Variants in PITPNM3 observed in about 807,000 individuals in gnomAD.
The protein encoded by PITPNM3 is PITPNM family member 3.
PITPNM3 carries 26 observed loss-of-function variants against 102.0 expected under a neutral mutation model. That is an observed-to-expected ratio of 0.25 (90% CI 0.19 to 0.35). The LOEUF is 0.35. Among genes scored for constraint, PITPNM3 ranks in the 10% least tolerant of loss-of-function variants. The pLI is 1.00. For missense variants in PITPNM3, 1,083 were observed against 1,346.1 expected (o/e 0.80, Z 3.06); for synonymous variants, 578 against 558.6 (o/e 1.03, Z -0.49).
chr17:6,541,315 G>GTGTGTA (rs1412112424), intron 1 of PITPNM3, among the ~76,000 whole-genome samples: 1 of 151,574 alleles, frequency 6.6e-6, no homozygotes, highest in Non-Finnish European at 1.5e-5. Context: ...GTGTGTGTGT[G>GTGTGTA]TATGCACATC....
At chr17:6,521,959 C>T (rs531216256) in intron 3 of PITPNM3, among the ~76,000 whole-genome samples, 2 of 152,250 alleles carry the variant, frequency 1.3e-5, no homozygotes, top group African/African-American at 4.8e-5. Flanking sequence ...TTTGCGGAAG[C>T]GGCAAAGAAA....
chr17:6,507,575 C>G (rs71370449), intron 3 of PITPNM3, among the ~76,000 whole-genome samples: 32,604 of 151,350 alleles, frequency 0.22, 3,918 homozygotes, highest in Non-Finnish European at 0.27. Flanking sequence ...CGGAGTGAGA[C>G]TCCATTTAAA....
At chr17:6,542,649 G>C (rs1909793785) in intron 1 of PITPNM3, among the ~76,000 whole-genome samples, 1 of 152,176 alleles carries the variant, frequency 6.6e-6, no homozygotes, top group African/African-American at 2.4e-5. Context: ...CCCACTGTTA[G>C]GAGATTTAAA....
intron 10 of PITPNM3, among the ~76,000 whole-genome samples, chr17:6,473,426 T>C (rs1006095342): frequency 6.6e-6 from 1 of 152,172 alleles, no homozygotes; most frequent in Admixed American, 6.5e-5. Context: ...CTAGGGTTCA[T>C]TAGCGACACT....
At chr17:6,495,619 C>T (rs1751324210) in intron 4 of PITPNM3, among the ~76,000 whole-genome samples, 1 of 152,160 alleles carries the variant, frequency 6.6e-6, no homozygotes, top group Non-Finnish European at 1.5e-5. Flanking sequence ...GTTCTGGGGT[C>T]CTCGTGCTCA....
At chr17:6,545,746 G>A (rs1427037753) in intron 1 of PITPNM3, among the ~76,000 whole-genome samples, 1 of 74,792 alleles carries the variant, frequency 1.3e-5, no homozygotes, top group Non-Finnish European at 3.4e-5. Context: ...AGGCCAGCCC[G>A]GGTGCCTGTC....
In PITPNM3 at chr17:6,461,437, GAGA is replaced by G. The variant is rs754410582; in HGVS notation, c.2423_2425del (p.Phe808del). ...CAGCGGGTCATGCACCAGCCCATCG[GAGA>G]AGAAGATCATGCCCTGTGGGAAGTT... On this transcript the variant is annotated inframe_deletion, in exon 18 of 20. Coordinates refer to ENST00000262483, the MANE Select transcript of PITPNM3 (RefSeq NM_031220.4). 3 of 1,614,190 alleles carry G rather than the reference GAGA, an allele frequency of 1.9e-6. No individual in the cohort carries two copies. Among genetic ancestry groups the G allele is most frequent in the Non-Finnish European group, 2.5e-6 (3 of 1,180,042 alleles).
chr17:6,472,729 G>A lies in PITPNM3; in HGVS notation c.1357C>T (p.His453Tyr). The A allele has an allele frequency of 1.2e-6, 2 of 1,614,086 alleles. No homozygotes were observed. The highest frequency in any genetic ancestry group is 1.7e-6 in the Non-Finnish European group (2 of 1,179,986). The change falls in exon 11 of 20, where the codon CAC becomes TAC. Residue 453 changes from histidine (H) to tyrosine (Y), a missense_variant. Coordinates refer to ENST00000262483, the MANE Select transcript of PITPNM3 (RefSeq NM_031220.4). The surrounding 1 kb of genome is among the most constrained non-coding windows in gnomAD (Gnocchi z 4.1). ...GGCACGCTGACAGGCGGCACCAGGTGGAACTTGGGCTCCAGCAGTGGCTCG... is the reference window on the plus strand; with the variant it reads ...GGCACGCTGACAGGCGGCACCAGGTAGAACTTGGGCTCCAGCAGTGGCTCG... ...RLEPLLEPKF[H>Y]LVPPVSVPRY...
At chr17:6,494,967 A>C (rs181475025) in intron 4 of PITPNM3, among the ~76,000 whole-genome samples, 6 of 152,296 alleles carry the variant, frequency 3.9e-5, no homozygotes, top group Admixed American at 3.9e-4. Context: ...AAGCATACTG[A>C]GCTAAGGAGA....
intron 2 of PITPNM3, among the ~76,000 whole-genome samples, chr17:6,534,417 C>T (rs1439786873): frequency 5.3e-5 from 8 of 152,224 alleles, no homozygotes; most frequent in Non-Finnish European, 8.8e-5. Flanking sequence ...CTCCTCTCTG[C>T]TCCCAGACCA....
At chr17:6,483,997 A>G (rs562352108) in intron 5 of PITPNM3, among the ~76,000 whole-genome samples, 7 of 152,280 alleles carry the variant, frequency 4.6e-5, no homozygotes, top group African/African-American at 1.7e-4. Flanking sequence ...AGGGAAGGAC[A>G]TGGGCTGCCA....
intron 9 of PITPNM3, among the ~76,000 whole-genome samples, chr17:6,475,685 C>T (rs1207211977): frequency 1.3e-5 from 2 of 152,200 alleles, no homozygotes; most frequent in African/African-American, 4.8e-5. Flanking sequence ...AAAGAAACCA[C>T]CATCTGTCCC....
chr17:6,479,321 C>T lies in PITPNM3; in HGVS notation c.588-585G>A, dbSNP rs1905521514. On this transcript the variant is annotated intron_variant, in intron 6 of 19. Coordinates refer to ENST00000262483, the MANE Select transcript of PITPNM3 (RefSeq NM_031220.4). The stretch of plus-strand genomic sequence containing the variant: ...GCTTTGCAGAAAGTTCTGTGACCCC[C>T]GAGGGGGCTGAAAGCCTGCCCCACA... 2.6e-5 allele frequency: 4 copies of T among 153,894 alleles called. No individual in the cohort carries two copies. In the South Asian group the frequency reaches 6.1e-4, roughly 24 times the overall value. The allele number at this position is 153,894 out of a possible 1,614,324, so 9.5% of individuals were successfully genotyped here.
At chr17:6,466,220 G>C (rs1040734994) in intron 14 of PITPNM3, among the ~76,000 whole-genome samples, 1 of 152,080 alleles carries the variant, frequency 6.6e-6, no homozygotes, top group Non-Finnish European at 1.5e-5. Flanking sequence ...CCACATTCCA[G>C]CCCATTCGCT....
chr17:6,472,337 G>A lies in PITPNM3; in HGVS notation c.1429+320C>T, dbSNP rs1905112073. Among the ~76,000 whole-genome samples, 1 of 152,112 alleles carries A rather than the reference G, an allele frequency of 6.6e-6. No homozygotes were observed. The highest frequency in any genetic ancestry group is 6.5e-5 in the Admixed American group (1 of 15,272). ...CTCTGCCCTACCCCTTCAGAGTCCA[G>A]GCTGGGCACTCATAAAAAAAATAGA... On this transcript the variant is annotated intron_variant, in intron 11 of 19. Transcript: ENST00000262483. This position sits in a 1 kb window ranked among gnomAD's most constrained non-coding sequence, Gnocchi z 4.1.
intron 3 of PITPNM3, among the ~76,000 whole-genome samples, chr17:6,519,572 G>C (rs1379352419): frequency 1.3e-5 from 2 of 151,474 alleles, no homozygotes; most frequent in Non-Finnish European, 2.9e-5. Context: ...GCTCACACCT[G>C]TAATCCTAGC....
Position 6,556,314 on chromosome 17 carries a change from G to A in PITPNM3, c.22+71C>T, listed in dbSNP as rs1392622054. The A allele has an allele frequency of 1.5e-6, 2 of 1,310,724 alleles. No individual in the cohort carries two copies. The highest frequency in any genetic ancestry group is 1.5e-5 in the South Asian group (1 of 65,076). 81.2% of individuals were successfully genotyped at this position (1,310,724 alleles called of 1,614,324 possible). A position where few individuals can be genotyped will look rare whatever the true frequency, so the allele number is the denominator to read the frequency against. ...CTGCGCGAGGGGTTCACCTGGGCCG[G>A]CGGCCCCTCCTCTAGACGCGCGAGT... On this transcript the variant is annotated intron_variant, in intron 1 of 19. Coordinates refer to ENST00000262483, the MANE Select transcript of PITPNM3 (RefSeq NM_031220.4). The surrounding 1 kb of genome is among the most constrained non-coding windows in gnomAD (Gnocchi z 5.2).
chr17:6,545,890 C>T (rs1053979188), intron 1 of PITPNM3, among the ~76,000 whole-genome samples: 1 of 152,246 alleles, frequency 6.6e-6, no homozygotes, highest in African/African-American at 2.4e-5. Flanking sequence ...TCTCCAGGCT[C>T]CTATCCTGTG....
rs1491511195 is a variant in PITPNM3, at chr17:6,453,003, T to TCCTGTCTTTCTTTCTCC, written c.*2334_*2335insGGAGAAAGAAAGACAGG. 6.0e-4 allele frequency: 8 copies of TCCTGTCTTTCTTTCTCC among 13,256 alleles called. No homozygotes were observed. Among genetic ancestry groups the TCCTGTCTTTCTTTCTCC allele is most frequent in the Admixed American group, 1.0e-3 (1 of 996 alleles). 0.8% of individuals were successfully genotyped at this position (13,256 alleles called of 1,614,324 possible). On this transcript the variant is annotated 3_prime_UTR_variant, in exon 20 of 20. Transcript: ENST00000262483. ...CTCTCTCTCTCTCTCTGTCTTCCTT[T>TCCTGTCTTTCTTTCTCC]CTCTCTCTCTCTCTCTCTCTGCCTT...
Sources: allele counts gnomAD v4.1 joint callset (sites outside exome capture counted in the v4.1 genomes callset), GRCh38; gene constraint gnomAD v4.1.1; non-coding constraint Gnocchi (gnomAD v3.1); transcripts MANE v1.5; gene names NCBI Gene and HGNC (gene_info 2026-07-23, HGNC 2026-07-21).